The following PHLPP1 variants were observed in gnomAD, a reference collection of about 807,000 sequenced individuals.
PHLPP1 encodes PH domain and leucine rich repeat protein phosphatase 1, also known as PH domain leucine-rich repeat-containing protein phosphatase 1.
PHLPP1 carries 42 observed loss-of-function variants against 117.2 expected under a neutral mutation model. That is an observed-to-expected ratio of 0.36 (90% CI 0.28 to 0.46). The LOEUF is 0.46. PHLPP1 is among the 20% of genes least tolerant of loss of function. The pLI is 1.00. For synonymous variants in PHLPP1, 1,042 were observed against 970.7 expected, an observed-to-expected ratio of 1.07 and a Z score of -1.37; for missense variants, 2,084 against 2,241.9, an observed-to-expected ratio of 0.93 and a Z score of 1.42.
At chr18:62,864,558 A>G (rs539262954) in intron 4 of PHLPP1, among the ~76,000 whole-genome samples, 1 of 152,374 alleles carries the variant, frequency 6.6e-6, no homozygotes, top group South Asian at 2.1e-4. Flanking sequence ...TGTTCAATTT[A>G]AGAAAACATT....
chr18:62,934,329 C>T lies in PHLPP1; in HGVS notation c.2961-7389C>T, dbSNP rs540426276. Among the ~76,000 whole-genome samples the T allele has an allele frequency of 2.6e-4, 39 of 152,226 alleles. 1 individual carries two copies. The highest frequency in any genetic ancestry group is 8.9e-4 in the African/African-American group (37 of 41,540). On this transcript the variant is annotated intron_variant, in intron 10 of 16. Transcript: ENST00000262719. ...AAGTCATGGAATCAACCTATGTACC[C>T]GTCGGTGGTGAATTGGATAAAGAAA...
At chr18:62,759,577 C>T (rs1912146916) in intron 1 of PHLPP1, among the ~76,000 whole-genome samples, 1 of 152,180 alleles carries the variant, frequency 6.6e-6, no homozygotes, top group Non-Finnish European at 1.5e-5. Flanking sequence ...ATTTCAAGAT[C>T]TTGCTTGAAA....
At chr18:62,818,352 G>A (rs1031439596) in intron 1 of PHLPP1, among the ~76,000 whole-genome samples, 2 of 151,956 alleles carry the variant, frequency 1.3e-5, no homozygotes, top group East Asian at 2.0e-4. Flanking sequence ...TCAACATGGC[G>A]AAACCCCGTC....
intron 12 of PHLPP1, among the ~76,000 whole-genome samples, chr18:62,954,681 A>T (rs1440835725): frequency 5.9e-5 from 9 of 152,184 alleles, no homozygotes; most frequent in Non-Finnish European, 1.2e-4. Flanking sequence ...GTTTTTGCTT[A>T]TCTGCCATTA....
chr18:62,853,485 T>C (rs958477594), intron 3 of PHLPP1, among the ~76,000 whole-genome samples: 5 of 151,856 alleles, frequency 3.3e-5, no homozygotes, highest in Non-Finnish European at 7.4e-5. Context: ...TTCTCCTACC[T>C]CAGCCTCCTG....
chr18:62,805,399 T>C (rs1004302477), intron 1 of PHLPP1, among the ~76,000 whole-genome samples: 1 of 152,048 alleles, frequency 6.6e-6, no homozygotes, highest in Admixed American at 6.6e-5. Flanking sequence ...ATATACACTG[T>C]ATATATTATA....
At chr18:62,800,665 A>G (rs1226174984) in intron 1 of PHLPP1, among the ~76,000 whole-genome samples, 2 of 151,528 alleles carry the variant, frequency 1.3e-5, no homozygotes, top group East Asian at 3.9e-4. Flanking sequence ...TTTGATATTT[A>G]CTTTGGTTCA....
intron 1 of PHLPP1, among the ~76,000 whole-genome samples, chr18:62,820,920 C>T (rs1914433645): frequency 6.6e-6 from 1 of 152,062 alleles, no homozygotes; most frequent in South Asian, 2.1e-4. Context: ...ATTCTCTGAC[C>T]ACAATGGGAT....
intron 4 of PHLPP1, among the ~76,000 whole-genome samples, chr18:62,892,074 CTTTCTTTCTTTTTTTTTTTT>C (rs1916434107): frequency 8.3e-6 from 1 of 120,598 alleles, no homozygotes; most frequent in Non-Finnish European, 1.7e-5. Context: ...TCTTTTCTTT[CTTTCTTTCTTTTTTTTTTTT>C]TTTTTTTTTT....
intron 1 of PHLPP1, among the ~76,000 whole-genome samples, chr18:62,804,305 G>A (rs1418500521): frequency 6.6e-6 from 1 of 152,138 alleles, no homozygotes; most frequent in African/African-American, 2.4e-5. Flanking sequence ...TAAGGGTTAC[G>A]ATTTATGATG....
intron 15 of PHLPP1, 21 bp from the exon 16 acceptor site, chr18:62,975,376 C>T: frequency 6.4e-7 from 1 of 1,555,300 alleles, no homozygotes; most frequent in East Asian, 2.2e-5. Flanking sequence ...TTGAGTGTCA[C>T]CCCCTCTCTT....
chr18:62,766,076 A>ATATACATATATAT (rs1555670395), intron 1 of PHLPP1, among the ~76,000 whole-genome samples: 1 of 21,662 alleles, frequency 4.6e-5, no homozygotes, highest in East Asian at 3.3e-3. Context: ...AAAAAAAAAA[A>ATATACATATATAT]ATATATATAT....
intron 10 of PHLPP1, among the ~76,000 whole-genome samples, chr18:62,928,465 G>A (rs890702758): frequency 6.6e-6 from 1 of 152,146 alleles, no homozygotes; most frequent in African/African-American, 2.4e-5. Context: ...ACCACAATCA[G>A]ATATGACTTA....
chr18:62,813,266 C>T (rs760114916), intron 1 of PHLPP1, among the ~76,000 whole-genome samples: 3 of 152,106 alleles, frequency 2.0e-5, no homozygotes, highest in African/African-American at 7.2e-5. Flanking sequence ...AAGAAGATAC[C>T]TTCTCATACA....
At chr18:62,930,955 C>T (rs866503012) in intron 10 of PHLPP1, among the ~76,000 whole-genome samples, 7 of 151,602 alleles carry the variant, frequency 4.6e-5, no homozygotes, top group African/African-American at 1.5e-4. Flanking sequence ...TTTGGGAGGC[C>T]GAGGCAGGAG....
chr18:62,960,133 A>G (rs996699905), intron 13 of PHLPP1, among the ~76,000 whole-genome samples: 8 of 152,234 alleles, frequency 5.3e-5, no homozygotes, highest in Non-Finnish European at 1.2e-4. Context: ...TTTACAAATA[A>G]AATTTAAAAA....
At chr18:62,916,945 G>T (rs924335436) in intron 9 of PHLPP1, among the ~76,000 whole-genome samples, 19 of 149,552 alleles carry the variant, frequency 1.3e-4, no homozygotes, top group African/African-American at 4.4e-4. Flanking sequence ...GTAGAGACGG[G>T]GTTTCACTAT....
intron 10 of PHLPP1, among the ~76,000 whole-genome samples, chr18:62,940,467 C>T (rs1294103661): frequency 6.7e-6 from 1 of 148,772 alleles, no homozygotes; most frequent in Admixed American, 6.8e-5. Context: ...TGGGTTCACG[C>T]CATTCTCCTG....
intron 10 of PHLPP1, among the ~76,000 whole-genome samples, chr18:62,932,387 G>A (rs1038069978): frequency 1.2e-4 from 19 of 152,134 alleles, no homozygotes; most frequent in African/African-American, 4.6e-4. Flanking sequence ...GTAGCCAGCT[G>A]AATTCAGCAG....
Sources: gnomAD v4.1 joint callset for allele counts (sites outside exome capture counted in the v4.1 genomes callset) on GRCh38, gnomAD v4.1.1 for gene constraint, MANE v1.5 for transcripts, NCBI Gene and HGNC (gene_info 2026-07-23, HGNC 2026-07-21) for gene names.